The following CCNK variants were observed in gnomAD, a reference collection of about 807,000 sequenced individuals.
The protein encoded by CCNK is cyclin-K.
Under a neutral mutation model 65.0 loss-of-function variants are expected in CCNK, and 9 were observed. The ratio of observed to expected loss-of-function variants is 0.14; its 90% CI spans 0.08 to 0.24. The LOEUF is 0.24. Ranked by LOEUF, CCNK falls within the 10% of genes least tolerant of loss-of-function variation. The pLI, the probability that CCNK is intolerant of heterozygous loss-of-function variation, is 1.00. For synonymous variants in CCNK, 279 were observed against 270.8 expected (o/e 1.03, Z -0.30); for missense variants, 474 against 720.0 (o/e 0.66, Z 3.91).
rs994818723 is a variant in CCNK at position 99,481,425 on chromosome 14, G to T, written c.-107G>T. On this transcript the variant is annotated 5_prime_UTR_variant, in exon 1 of 11. Transcript: ENST00000389879. ...TAGGTCCCCGACATTCCATATACAA[G>T]ATGGCCGCAGTCGGCAAGGAGAGAC... 1 of 398,540 alleles carries T rather than the reference G, an allele frequency of 2.5e-6. No individual in the cohort carries two copies. Among genetic ancestry groups the T allele is most frequent in the African/African-American group, 2.1e-5 (1 of 48,636 alleles). The allele number at this position is 398,540 out of a possible 1,614,324, so 24.7% of individuals were successfully genotyped here.
At chr14:99,498,322 G>A (rs1896744707) in intron 4 of CCNK, among the ~76,000 whole-genome samples, 1 of 152,202 alleles carries the variant, frequency 6.6e-6, no homozygotes, top group African/African-American at 2.4e-5. Context: ...AATTAGGTCT[G>A]AATGGGGGAG....
intron 3 of CCNK, chr14:99,494,579 C>T (rs570014029): frequency 3.3e-5 from 5 of 152,042 alleles, no homozygotes; most frequent in Admixed American, 2.0e-4. Flanking sequence ...CTAGTGTGAT[C>T]AGGATTATGT....
intron 1 of CCNK, among the ~76,000 whole-genome samples, chr14:99,483,190 A>G (rs977407895): frequency 6.6e-6 from 1 of 152,152 alleles, no homozygotes; most frequent in African/African-American, 2.4e-5. Flanking sequence ...GGAAGAGCCA[A>G]CAAGTTTATG....
chr14:99,483,886 C>A (rs901194187), intron 1 of CCNK, among the ~76,000 whole-genome samples: 8 of 152,084 alleles, frequency 5.3e-5, no homozygotes, highest in African/African-American at 1.7e-4. Context: ...AGATAAGCAG[C>A]GTGATTCTCA....
intron 1 of CCNK, among the ~76,000 whole-genome samples, chr14:99,489,833 A>G (rs1466401724): frequency 6.6e-6 from 1 of 152,262 alleles, no homozygotes; most frequent in East Asian, 1.9e-4. Flanking sequence ...AACAAAATAA[A>G]TAATGATAGT....
intron 3 of CCNK, chr14:99,494,574 G>T (rs1896661075): frequency 6.6e-6 from 1 of 152,244 alleles, no homozygotes; most frequent in South Asian, 2.1e-4. Flanking sequence ...GACATCTAGT[G>T]TGATCAGGAT....
chr14:99,511,073 A>C lies in CCNK; in HGVS notation c.*291A>C, dbSNP rs1192271572. The C allele has an allele frequency of 3.8e-6, 1 of 265,130 alleles. No homozygotes were observed. Among genetic ancestry groups the C allele is most frequent in the Non-Finnish European group, 7.1e-6 (1 of 141,474 alleles). The allele number at this position is 265,130 out of a possible 1,614,324, so 16.4% of individuals were successfully genotyped here. The stretch of plus-strand genomic sequence containing the variant: ...GTTACTTTATACTAGTGAGGACGTT[A>C]ACCAGCCATATTGGCTCAATAAATA... On this transcript the variant is annotated 3_prime_UTR_variant, in exon 11 of 11. Transcript: ENST00000389879.
At position 99,511,298 on chromosome 14, in the gene CCNK, T is replaced by C. The variant is rs916087748; in HGVS notation, c.*516T>C. The C allele has an allele frequency of 6.6e-6, 1 of 152,134 alleles. No individual in the cohort carries two copies. Among genetic ancestry groups the C allele is most frequent in the Non-Finnish European group, 1.5e-5 (1 of 68,022 alleles). The allele number at this position is 152,134 out of a possible 1,614,324, so 9.4% of individuals were successfully genotyped here. A position where few individuals can be genotyped will look rare whatever the true frequency, so the allele number is the denominator to read the frequency against. On this transcript the variant is annotated 3_prime_UTR_variant, in exon 11 of 11. Coordinates refer to ENST00000389879, the MANE Select transcript of CCNK (RefSeq NM_001099402.2). ...TTGCATCCTTTGTATTAAAATTATT[T>C]TGAAGGGGTTGCCTCATTGGATGGC... is the stretch of plus-strand genomic sequence containing the variant.
chr14:99,509,645 C>T (rs543505446), intron 10 of CCNK: 1 of 167,258 alleles, frequency 6.0e-6, no homozygotes, highest in East Asian at 1.9e-4. Flanking sequence ...AGAATAGAAC[C>T]TGAATTGCTG....
intron 10 of CCNK, chr14:99,509,566 C>G (rs1348726621): frequency 1.3e-5 from 2 of 150,798 alleles, no homozygotes; most frequent in Non-Finnish European, 2.8e-5. Context: ...CACACACATG[C>G]ACACACTCCT....
chr14:99,503,499 A>C, intron 8 of CCNK, 112 bp from the exon 9 acceptor site: 2 of 854,842 alleles, frequency 2.3e-6, no homozygotes, highest in Admixed American at 2.5e-5. Context: ...TTTTTGTCCG[A>C]GGCTGTTCAC....
chr14:99,496,855 G>C (rs1226917078), intron 4 of CCNK, among the ~76,000 whole-genome samples: 1 of 151,248 alleles, frequency 6.6e-6, no homozygotes, highest in Admixed American at 6.6e-5. Context: ...AGAGGTTGCA[G>C]TGAGCCAAGA....
intron 10 of CCNK, chr14:99,509,197 CCT>C (rs1257261827): frequency 6.6e-6 from 1 of 152,260 alleles, no homozygotes; most frequent in Non-Finnish European, 1.5e-5. Flanking sequence ...GTGGCTTTGT[CCT>C]CTCTATGTTC....
chr14:99,502,401 G>C (rs116241246), intron 7 of CCNK, 25 bp downstream of exon 7: 1 of 1,608,850 alleles, frequency 6.2e-7, no homozygotes, highest in Non-Finnish European at 8.5e-7. Flanking sequence ...AAGCGTTCTC[G>C]TGAGGGTGTT....
chr14:99,503,468 G>C, intron 8 of CCNK, 143 bp from the exon 9 acceptor site: 3 of 670,278 alleles, frequency 4.5e-6, no homozygotes, highest in Non-Finnish European at 7.8e-6. Flanking sequence ...GGTTTGCCCT[G>C]AAAGTTCAGG....
chr14:99,510,526 C>G lies in CCNK; in HGVS notation c.1487C>G (p.Pro496Arg), dbSNP rs1412522062. 1.6e-5 allele frequency: 9 copies of G among 553,000 alleles called. No homozygotes were observed. Among genetic ancestry groups the G allele is most frequent in the Admixed American group, 5.6e-5 (2 of 36,016 alleles). 34.3% of individuals were successfully genotyped at this position (553,000 alleles called of 1,614,324 possible). The change falls in exon 11 of 11, where the codon CCA becomes CGA. Residue 496 changes from proline (P) to arginine (R), a missense_variant. By Grantham distance (103) the Pro-to-Arg change is moderately radical. Around this residue, in one of 6 missense-constraint regions of CCNK, gnomAD observed 38 missense variants for 19.2 expected, o/e 1.98. Transcript: ENST00000389879. ...CCTCCTCCCCCAGCCTCCTTCCCCC[C>G]ACCTGCCATCCCACCCCCTACTCCT... The part of the protein sequence containing the change: ...PVPPPPASFP[P>R]PAIPPPTPGY...
intron 4 of CCNK, 69 bp from the exon 5 acceptor site, chr14:99,500,697 T>G: frequency 1.0e-6 from 1 of 997,692 alleles, no homozygotes; most frequent in Admixed American, 2.1e-5. Context: ...ACAGGAAAGC[T>G]CACTTTTGTA....
intron 10 of CCNK, chr14:99,507,714 T>G (rs1052570123): frequency 3.9e-5 from 6 of 154,372 alleles, no homozygotes; most frequent in African/African-American, 1.4e-4. Flanking sequence ...CCTTCTGAGA[T>G]AGAGGCAGGG....
chr14:99,481,569 G>A (rs886554699), intron 1 of CCNK, 90 bp downstream of exon 1: 8 of 397,852 alleles, frequency 2.0e-5, no homozygotes, highest in Non-Finnish European at 3.5e-5. Context: ...GCTATCCACT[G>A]GCGGAGTCTC....
Sources: allele counts gnomAD v4.1 joint callset (sites outside exome capture counted in the v4.1 genomes callset), GRCh38; gene constraint gnomAD v4.1.1; regional missense constraint gnomAD v4.1.1; transcripts MANE v1.5; gene names NCBI Gene and HGNC (gene_info 2026-07-23, HGNC 2026-07-21).